The following WWOX variants were observed in gnomAD, a reference collection of about 807,000 sequenced individuals.
WWOX encodes WW domain-containing oxidoreductase.
WWOX carries 69 observed loss-of-function variants against 46.2 expected under a neutral mutation model. The ratio of observed to expected loss-of-function variants is 1.49; its 90% CI spans 1.23 to 1.82. The LOEUF is 1.82. WWOX is among the 40% of genes most tolerant of loss of function. The pLI is 0.00. For synonymous variants in WWOX, 359 were observed against 202.6 expected (o/e 1.77, Z -6.56); for missense variants, 919 against 542.6 (o/e 1.69, Z -6.89).
chr16:78,663,973 G>A (rs908268583), intron 8 of WWOX, among the ~76,000 whole-genome samples: 21 of 152,288 alleles, frequency 1.4e-4, no homozygotes, highest in Non-Finnish European at 2.1e-4. Context: ...ACTGTATGAC[G>A]TCTGGATTTT....
intron 8 of WWOX, among the ~76,000 whole-genome samples, chr16:78,613,805 G>C (rs1294908801): frequency 6.6e-6 from 1 of 152,166 alleles, no homozygotes; most frequent in East Asian, 1.9e-4. Context: ...ATGTGTTTCA[G>C]AATTCAGAAG....
intron 8 of WWOX, among the ~76,000 whole-genome samples, chr16:79,170,136 C>T (rs1453190701): frequency 6.6e-6 from 1 of 152,212 alleles, no homozygotes; most frequent in East Asian, 1.9e-4. Flanking sequence ...AAGTTGCTAT[C>T]ATGTCCTTCA....
At chr16:78,297,721 G>A (rs909341102) in intron 5 of WWOX, among the ~76,000 whole-genome samples, 1 of 152,100 alleles carries the variant, frequency 6.6e-6, no homozygotes, top group Non-Finnish European at 1.5e-5. Flanking sequence ...GGGAGCCTAT[G>A]GAGACCTATG....
In WWOX at chr16:78,411,893, C is replaced by T. The variant is rs111879138; in HGVS notation, c.606-12977C>T. On this transcript the variant is annotated intron_variant, in intron 6 of 8. Coordinates refer to ENST00000566780, the MANE Select transcript of WWOX (RefSeq NM_016373.4). ...TTAGGGGACTGTTCCCAGAGGAGAG[C>T]GGAGAGGGAAGCAGGCTTTGGTTTC... Among the ~76,000 whole-genome samples, 338 of 152,224 alleles carry T rather than the reference C, an allele frequency of 2.2e-3. 2 individuals carry two copies. Among genetic ancestry groups the T allele is most frequent in the African/African-American group, 7.8e-3 (322 of 41,544 alleles).
At chr16:78,450,157 T>A (rs2083659269) in intron 8 of WWOX, among the ~76,000 whole-genome samples, 1 of 152,184 alleles carries the variant, frequency 6.6e-6, no homozygotes, top group Non-Finnish European at 1.5e-5. Flanking sequence ...GTATCTAATT[T>A]AGCAAAATTC....
At chr16:78,381,541 C>G (rs57836192) in intron 5 of WWOX, among the ~76,000 whole-genome samples, 3 of 78,812 alleles carry the variant, frequency 3.8e-5, no homozygotes, top group African/African-American at 2.0e-4. Flanking sequence ...CTGTGTGGCT[C>G]TGTTTTAAAA....
At position 79,033,934 on chromosome 16, in the gene WWOX, G is replaced by C. The variant is rs2047816184; in HGVS notation, c.1057-177674G>C. ...AGCTGGCTGGCTAGACCATGTCACA[G>C]GGATGTTGGAACTGGGTGGCACTGA... is the stretch of plus-strand genomic sequence containing the variant. On this transcript the variant is annotated intron_variant, in intron 8 of 8. Coordinates refer to ENST00000566780, the MANE Select transcript of WWOX (RefSeq NM_016373.4). Among the ~76,000 whole-genome samples, 3 of 152,314 alleles carry C rather than the reference G, an allele frequency of 2.0e-5. No homozygotes were observed. The South Asian group carries it at 6.2e-4, about 32-fold the overall frequency.
At chr16:78,781,722 C>T (rs1256799829) in intron 8 of WWOX, among the ~76,000 whole-genome samples, 1 of 152,144 alleles carries the variant, frequency 6.6e-6, no homozygotes, top group Non-Finnish European at 1.5e-5. Context: ...ATGCAGTGAG[C>T]TGAGATGGCA....
intron 8 of WWOX, among the ~76,000 whole-genome samples, chr16:78,925,055 C>T (rs1159993527): frequency 1.3e-5 from 2 of 152,062 alleles, no homozygotes; most frequent in African/African-American, 2.4e-5. Context: ...GTTAGCCAGG[C>T]ATGGTGGTGT....
chr16:78,352,205 G>C (rs1274325138), intron 5 of WWOX, among the ~76,000 whole-genome samples: 6 of 152,208 alleles, frequency 3.9e-5, no homozygotes, highest in Admixed American at 3.3e-4. Flanking sequence ...CCAGAAGTTT[G>C]GATGTGCAAT....
At chr16:78,840,696 T>A (rs2052116548) in intron 8 of WWOX, among the ~76,000 whole-genome samples, 1 of 152,052 alleles carries the variant, frequency 6.6e-6, no homozygotes, top group Admixed American at 6.5e-5. Flanking sequence ...CCCGAGCTTC[T>A]TTGTTTCCTT....
chr16:78,882,453 G>A (rs1017155233), intron 8 of WWOX, among the ~76,000 whole-genome samples: 3 of 151,028 alleles, frequency 2.0e-5, no homozygotes, highest in African/African-American at 4.9e-5. Context: ...GCTGGAGAAG[G>A]TTCTGTTAAC....
At chr16:78,354,780 T>C (rs2081251069) in intron 5 of WWOX, among the ~76,000 whole-genome samples, 1 of 152,206 alleles carries the variant, frequency 6.6e-6, no homozygotes, top group Non-Finnish European at 1.5e-5. Flanking sequence ...TGGGTTTTTC[T>C]AGATGGCCTG....
At chr16:78,271,204 A>G (rs1009101498) in intron 5 of WWOX, among the ~76,000 whole-genome samples, 1 of 152,110 alleles carries the variant, frequency 6.6e-6, no homozygotes, top group Non-Finnish European at 1.5e-5. Context: ...ATGATTTCGT[A>G]TGTTATCCCA....
chr16:78,766,961 C>T (rs567825240), intron 8 of WWOX, among the ~76,000 whole-genome samples: 1 of 152,158 alleles, frequency 6.6e-6, no homozygotes, highest in Non-Finnish European at 1.5e-5. Context: ...CTTGTGGTCT[C>T]TGGTAACCCC....
chr16:78,365,658 C>T (rs1178851154), intron 5 of WWOX, among the ~76,000 whole-genome samples: 5 of 152,132 alleles, frequency 3.3e-5, no homozygotes, highest in South Asian at 2.1e-4. Context: ...CTACTGCTGT[C>T]GTTTAGATTA....
chr16:78,743,708 G>T (rs1294130958), intron 8 of WWOX, among the ~76,000 whole-genome samples: 1 of 152,104 alleles, frequency 6.6e-6, no homozygotes, highest in Non-Finnish European at 1.5e-5. Context: ...CATAGGAGCT[G>T]TAACTTTGTA....
At chr16:78,898,909 C>T (rs543399662) in intron 8 of WWOX, 56 of 152,154 alleles carry the variant, frequency 3.7e-4, no homozygotes, top group African/African-American at 1.2e-3. Flanking sequence ...TTTTTTCCAA[C>T]TGTTTGTTTC....
At chr16:78,424,319 C>T (rs1282478848) in intron 6 of WWOX, among the ~76,000 whole-genome samples, 1 of 151,954 alleles carries the variant, frequency 6.6e-6, no homozygotes, top group Non-Finnish European at 1.5e-5. Context: ...GGGGTTTCAC[C>T]ATGTTGGTCA....
Sources: allele counts gnomAD v4.1 joint callset (sites outside exome capture counted in the v4.1 genomes callset), GRCh38; gene constraint gnomAD v4.1.1; transcripts MANE v1.5; gene names NCBI Gene and HGNC (gene_info 2026-07-23, HGNC 2026-07-21).